PCDH9: variants seen among roughly 807,000 people sequenced by gnomAD.
PCDH9 encodes protocadherin 9.
Under a neutral mutation model 70.6 loss-of-function variants are expected in PCDH9, and 24 were observed. The observed-to-expected ratio is 0.34, with a 90% CI of 0.25 to 0.48. PCDH9 has a LOEUF of 0.48. PCDH9 is among the 20% of genes least tolerant of loss of function. The probability of loss-of-function intolerance (pLI) is 0.99; values close to 1 mark genes in which losing one functional copy is unlikely to be tolerated. For synonymous variants in PCDH9, 562 were observed against 558.5 expected, an observed-to-expected ratio of 1.01 and a Z score of -0.09; for missense variants, 1,281 against 1,503.6, an observed-to-expected ratio of 0.85 and a Z score of 2.45.
intron 2 of PCDH9, among the ~76,000 whole-genome samples, chr13:66,980,843 C>T (rs1334023286): frequency 6.9e-6 from 1 of 145,854 alleles, no homozygotes; most frequent in East Asian, 2.2e-4. Context: ...CTAACTAAAC[C>T]TTTTAAGTAG....
At chr13:66,545,415 TG>T (rs1267201572) in intron 4 of PCDH9, among the ~76,000 whole-genome samples, 1 of 152,226 alleles carries the variant, frequency 6.6e-6, no homozygotes, top group African/African-American at 2.4e-5. Flanking sequence ...AAAATCAGGC[TG>T]TTTTAATTAG....
intron 4 of PCDH9, among the ~76,000 whole-genome samples, chr13:66,500,001 T>C (rs1247142425): frequency 6.6e-6 from 1 of 152,224 alleles, no homozygotes; most frequent in Non-Finnish European, 1.5e-5. Context: ...CCATGCTTCT[T>C]GTACAGCCTG....
chr13:66,926,725 G>C (rs1455980201), intron 2 of PCDH9, among the ~76,000 whole-genome samples: 1 of 152,080 alleles, frequency 6.6e-6, no homozygotes, highest in East Asian at 1.9e-4. Context: ...AGAGGTTTCA[G>C]TCTAATTCCA....
intron 2 of PCDH9, among the ~76,000 whole-genome samples, chr13:67,026,945 C>T (rs1489285950): frequency 1.3e-5 from 2 of 152,188 alleles, no homozygotes; most frequent in African/African-American, 2.4e-5. Flanking sequence ...ACATTCCACG[C>T]TCATGGGTAG....
chr13:66,996,369 A>G (rs960249043), intron 2 of PCDH9: 1 of 152,134 alleles, frequency 6.6e-6, no homozygotes, highest in African/African-American at 2.4e-5. Flanking sequence ...AAAAAGAAAA[A>G]GCACAGGATA....
At chr13:66,760,223 TA>T (rs1441171300) in intron 3 of PCDH9, among the ~76,000 whole-genome samples, 8 of 152,162 alleles carry the variant, frequency 5.3e-5, no homozygotes, top group Non-Finnish European at 1.0e-4. Flanking sequence ...CTGCTGGACA[TA>T]TTAAAACTCC....
intron 4 of PCDH9, among the ~76,000 whole-genome samples, chr13:66,484,165 C>T (rs1169407316): frequency 6.6e-6 from 1 of 152,080 alleles, no homozygotes; most frequent in East Asian, 1.9e-4. Context: ...TATACCAAGG[C>T]GAGAAACCCC....
rs375588797 is a variant in PCDH9 at position 66,638,077 on chromosome 13, T to G, written c.3139-6666A>C. On this transcript the variant is annotated intron_variant, in intron 3 of 4. Transcript: ENST00000377865. Reference sequence around the variant, plus strand: ...TAAAGGTATTAGCATTGCTCATTCATCTCTTCACTTAAATAATTATTGAGT... The same window carrying G: ...TAAAGGTATTAGCATTGCTCATTCAGCTCTTCACTTAAATAATTATTGAGT... Among the ~76,000 whole-genome samples the G allele has an allele frequency of 7.9e-5, 12 of 152,304 alleles. No individual in the cohort carries two copies. In the East Asian group the frequency reaches 1.4e-3, roughly 17 times the overall value.
intron 3 of PCDH9, among the ~76,000 whole-genome samples, chr13:66,731,026 T>C (rs1037676026): frequency 2.6e-5 from 4 of 151,730 alleles, no homozygotes; most frequent in Admixed American, 2.6e-4. Context: ...CCCAGGCGTA[T>C]AATATATATT....
chr13:67,121,000 A>G (rs759364374), intron 2 of PCDH9, among the ~76,000 whole-genome samples: 1 of 152,144 alleles, frequency 6.6e-6, no homozygotes, highest in Non-Finnish European at 1.5e-5. Context: ...CTATCTACTT[A>G]TTAATCTATT....
At chr13:66,325,069 T>C (rs545000098) in intron 4 of PCDH9, among the ~76,000 whole-genome samples, 2 of 152,138 alleles carry the variant, frequency 1.3e-5, no homozygotes, top group Admixed American at 6.5e-5. Context: ...TCATTTATTA[T>C]AGTAATAATA....
intron 4 of PCDH9, among the ~76,000 whole-genome samples, chr13:66,594,468 GTTTATTTTATTTTAT>G (rs57782546): frequency 0.16 from 22,321 of 139,572 alleles, 2,111 homozygotes; most frequent in African/African-American, 0.25. Context: ...GTTACTTTTT[GTTTATTTTATTTTAT>G]TTTATTTTAT....
intron 3 of PCDH9, among the ~76,000 whole-genome samples, chr13:66,655,503 TAA>T (rs1237609400): frequency 6.6e-6 from 1 of 152,072 alleles, no homozygotes; most frequent in Non-Finnish European, 1.5e-5. Flanking sequence ...TTTCTTCATA[TAA>T]AGTCAGTCCT....
At chr13:66,501,793 C>A (rs1223542792) in intron 4 of PCDH9, among the ~76,000 whole-genome samples, 1 of 152,004 alleles carries the variant, frequency 6.6e-6, no homozygotes, top group Non-Finnish European at 1.5e-5. Flanking sequence ...TTTGGGGACC[C>A]TTTTTAATGT....
chr13:66,519,426 C>T (rs1054594822), intron 4 of PCDH9, among the ~76,000 whole-genome samples: 29 of 152,160 alleles, frequency 1.9e-4, no homozygotes, highest in African/African-American at 6.0e-4. Flanking sequence ...TGACCATCAA[C>T]GGAAGAGGCA....
Position 67,226,356 on chromosome 13 carries a change from G to T in PCDH9, c.2085C>A (p.Ser695=). The T allele has an allele frequency of 6.2e-7, 1 of 1,614,130 alleles. No homozygotes were observed. Among genetic ancestry groups the T allele is most frequent in the Non-Finnish European group, 8.5e-7 (1 of 1,180,004 alleles). The stretch of plus-strand genomic sequence containing the variant: ...CCACTGCAAAAACTTCTGCTACCAC[G>T]GAGCCAGGAATGGCTGAGAGGGGCA... ...KLVPLSAIPG[S]VVAEVFAVDV... Residue 695 remains serine, a synonymous_variant, in exon 2 of 5, where the codon TCC becomes TCA. Transcript: ENST00000377865. The surrounding 1 kb of genome is among the most constrained non-coding windows in gnomAD (Gnocchi z 5.0).
intron 4 of PCDH9, among the ~76,000 whole-genome samples, chr13:66,363,869 T>C (rs566497253): frequency 6.6e-6 from 1 of 152,090 alleles, no homozygotes; most frequent in Non-Finnish European, 1.5e-5. Flanking sequence ...TAAGAAACAG[T>C]TTAGTCCAGG....
intron 2 of PCDH9, among the ~76,000 whole-genome samples, chr13:66,911,808 A>T (rs1393161740): frequency 2.6e-5 from 4 of 152,296 alleles, no homozygotes; most frequent in South Asian, 2.1e-4. Context: ...AAATAAGTGG[A>T]TGCAAGCAAT....
At position 66,304,260 on chromosome 13, in the gene PCDH9, C is replaced by CAAAAAAAAAAAAAAA. The variant is rs55837718; in HGVS notation, c.*380_*394dup. 43 of 65,358 alleles carry CAAAAAAAAAAAAAAA rather than the reference C, an allele frequency of 6.6e-4. 4 individuals carry two copies. Among genetic ancestry groups the CAAAAAAAAAAAAAAA allele is most frequent in the East Asian group, 1.6e-3 (3 of 1,848 alleles). The allele number at this position is 65,358 out of a possible 1,614,324, so 4.0% of individuals were successfully genotyped here. ...TAGCAGTCCCAGCACAAATCAATGA[C>CAAAAAAAAAAAAAAA]AAAAAAAAAAAAAAAAAAAAAAAAA... On this transcript the variant is annotated 3_prime_UTR_variant, in exon 5 of 5. Transcript: ENST00000377865.
Sources: gnomAD v4.1 joint callset for allele counts (sites outside exome capture counted in the v4.1 genomes callset) on GRCh38, gnomAD v4.1.1 for gene constraint, Gnocchi (gnomAD v3.1) non-coding constraint, MANE v1.5 for transcripts, NCBI Gene and HGNC (gene_info 2026-07-23, HGNC 2026-07-21) for gene names.